The following MPND variants were observed in gnomAD, a reference collection of about 807,000 sequenced individuals.
MPND encodes MPN domain-containing protein.
A neutral mutation model predicts 59.2 loss-of-function variants in MPND; 56 were observed. The observed-to-expected ratio is 0.95, with a 90% CI of 0.76 to 1.18. The LOEUF is 1.18. Among genes scored for constraint, MPND ranks in the 50% most tolerant of loss-of-function variants. MPND has a pLI of 0.00. For missense variants in MPND, 671 were observed against 676.0 expected (o/e 0.99, Z 0.08); for synonymous variants, 323 against 291.9 (o/e 1.11, Z -1.09).
In MPND at chr19:4,357,995, G is replaced by A. The variant is rs189146767; in HGVS notation, c.1237-88G>A. 2.0e-4 allele frequency: 228 copies of A among 1,130,022 alleles called. No individual in the cohort carries two copies. The African/African-American group carries it at 2.7e-3, about 14-fold the overall frequency. The allele number at this position is 1,130,022 out of a possible 1,614,324, so 70.0% of individuals were successfully genotyped here. A position where few individuals can be genotyped will look rare whatever the true frequency, so the allele number is the denominator to read the frequency against. The stretch of plus-strand genomic sequence containing the variant: ...GCTGAGCCGGGGTGTGCACTCTCCC[G>A]TTCCCAGCCCGGGCACTGCCAATTG... On this transcript the variant is annotated intron_variant, in intron 10 of 12. Transcript: ENST00000599840.
rs1173220501 is a variant in MPND, at chr19:4,344,004, C to T, written c.294+10C>T. On this transcript the variant is annotated intron_variant, in intron 2 of 12. Coordinates refer to ENST00000599840, the MANE Select transcript of MPND (RefSeq NM_001300862.2). ...GTCCATCTACTACCTGGTGAGCACCCCGCCTCCCTCGTCCCATCGCGGCTC... is the reference window on the plus strand; with the variant it reads ...GTCCATCTACTACCTGGTGAGCACCTCGCCTCCCTCGTCCCATCGCGGCTC... 3.0e-6 allele frequency: 4 copies of T among 1,315,832 alleles called. No homozygotes were observed. Among genetic ancestry groups the T allele is most frequent in the Middle Eastern group, 2.1e-4 (1 of 4,870 alleles). 81.5% of individuals were successfully genotyped at this position (1,315,832 alleles called of 1,614,324 possible). A position where few individuals can be genotyped will look rare whatever the true frequency, so the allele number is the denominator to read the frequency against.
chr19:4,357,427 C>G lies in MPND; in HGVS notation c.1165+6C>G. ...CTGCCTCGCCCTGCTCTGCTGTACGCGGGATGGGGCTGTGGGGGGAGCAAG... is the reference window on the plus strand; with the variant it reads ...CTGCCTCGCCCTGCTCTGCTGTACGGGGGATGGGGCTGTGGGGGGAGCAAG... On this transcript the variant is annotated splice_donor_region_variant and intron_variant, in intron 9 of 12. Transcript: ENST00000599840. The G allele has an allele frequency of 5.0e-6, 8 of 1,610,836 alleles. No homozygotes were observed. Among genetic ancestry groups the G allele is most frequent in the Non-Finnish European group, 6.8e-6 (8 of 1,178,580 alleles).
At chr19:4,357,729 T>C (rs1018750916) in intron 10 of MPND, 144 bp downstream of exon 10, 19 of 784,712 alleles carry the variant, frequency 2.4e-5, no homozygotes, top group Non-Finnish European at 3.6e-5. Context: ...ACGTGACTGC[T>C]GCCCTGCCCA....
rs1466600976 is a variant in MPND, at chr19:4,354,320, A to G, written c.750-4A>G. ...AGACTGTGCGACCCTCCTGGCCCCT[A>G]CAGGAACCCCCACACCCTGGTGGAA... On this transcript the variant is annotated splice_polypyrimidine_tract_variant and splice_region_variant and intron_variant, in intron 5 of 12. Transcript: ENST00000599840. 6.4e-7 allele frequency: 1 copy of G among 1,555,622 alleles called. No homozygotes were observed. Among genetic ancestry groups the G allele is most frequent in the Admixed American group, 1.9e-5 (1 of 51,456 alleles).
chr19:4,358,270 G>A (rs1972490428), intron 11 of MPND, 98 bp downstream of exon 11: 4 of 1,092,296 alleles, frequency 3.7e-6, no homozygotes, highest in South Asian at 2.8e-5. Context: ...GGGAAGCTAT[G>A]GCTGGTGGCG....
intron 3 of MPND, among the ~76,000 whole-genome samples, chr19:4,349,535 A>G (rs1298124710): frequency 1.4e-5 from 2 of 147,556 alleles, no homozygotes; most frequent in Non-Finnish European, 3.0e-5. Flanking sequence ...TTTGAGATGG[A>G]GTGTCGCTCT....
chr19:4,354,406 G>A lies in MPND; in HGVS notation c.832G>A (p.Val278Met), dbSNP rs368354022. ...QPFNVAVSSN[V>M]LFLLDFHSHL... is the part of the protein sequence containing the mutation. ...GTTCAACGTGGCTGTTTCTAGCAACGTGCTGTTCCTGCTGGTGTGTGGCCC... is the reference window on the plus strand; with the variant it reads ...GTTCAACGTGGCTGTTTCTAGCAACATGCTGTTCCTGCTGGTGTGTGGCCC... Residue 278 changes from valine (V) to methionine (M), a missense_variant, in exon 6 of 13, where the codon GTG becomes ATG. Coordinates refer to ENST00000599840, the MANE Select transcript of MPND (RefSeq NM_001300862.2). The A allele has an allele frequency of 1.7e-5, 26 of 1,557,404 alleles. No individual in the cohort carries two copies. The highest frequency in any genetic ancestry group is 4.8e-5 in the East Asian group (2 of 41,788).
At chr19:4,358,252 GTGGGCT>G in intron 11 of MPND, 80 bp downstream of exon 11, 2 of 1,300,762 alleles carry the variant, frequency 1.5e-6, no homozygotes, top group Non-Finnish European at 1.1e-6. Context: ...CTTCCCACCG[GTGGGCT>G]TGGGAAGCTA....
intron 4 of MPND, among the ~76,000 whole-genome samples, chr19:4,353,283 T>G (rs1972362641): frequency 6.6e-6 from 1 of 152,130 alleles, no homozygotes; most frequent in South Asian, 2.1e-4. Flanking sequence ...TATTTATTTT[T>G]TGGTGATGGA....
intron 3 of MPND, among the ~76,000 whole-genome samples, chr19:4,351,252 C>G (rs904147001): frequency 1.3e-5 from 2 of 151,976 alleles, no homozygotes; most frequent in Non-Finnish European, 2.9e-5. Flanking sequence ...TGCAGGTGTT[C>G]GCCACCATGC....
At chr19:4,356,986 C>T (rs1451451031) in intron 8 of MPND, 1 of 369,034 alleles carries the variant, frequency 2.7e-6, no homozygotes, top group Non-Finnish European at 4.8e-6. Context: ...GACCATTATT[C>T]TGTAAGCTGG....
At chr19:4,357,621 G>A in intron 10 of MPND, 36 bp downstream of exon 10, 2 of 1,577,086 alleles carry the variant, frequency 1.3e-6, no homozygotes, top group Non-Finnish European at 1.7e-6. Context: ...GGGGGGCCCG[G>A]GAGCACTGGG....
chr19:4,352,985 G>C lies in MPND; in HGVS notation c.620G>C (p.Ser207Thr). Reference sequence around the variant, plus strand: ...GCAGGGGTCTCAGCAGAGGACAAGAGTCGGAGACCACTGGGGAAGAGCCCT... The same window carrying C: ...GCAGGGGTCTCAGCAGAGGACAAGACTCGGAGACCACTGGGGAAGAGCCCT... ...VLAGVSAEDK[S>T]RRPLGKSPSE... The change falls in exon 4 of 13, where the codon AGT (serine) becomes ACT (threonine). Residue 207 changes from serine to threonine, a missense_variant. Physicochemically the swap from Ser to Thr is moderately conservative, Grantham distance 58. Coordinates refer to ENST00000599840, the MANE Select transcript of MPND (RefSeq NM_001300862.2). 1 of 1,373,012 alleles carries C rather than the reference G, an allele frequency of 7.3e-7. No individual in the cohort carries two copies. The highest frequency in any genetic ancestry group is 9.5e-7 in the Non-Finnish European group (1 of 1,053,990). 85.1% of individuals were successfully genotyped at this position (1,373,012 alleles called of 1,614,324 possible).
At chr19:4,358,473 G>A in intron 11 of MPND, 2 of 399,554 alleles carry the variant, frequency 5.0e-6, no homozygotes, top group Non-Finnish European at 9.1e-6. Flanking sequence ...CTTAAAAATT[G>A]TGTGTTCAAC....
intron 8 of MPND, 88 bp downstream of exon 8, chr19:4,355,261 A>G: frequency 1.4e-6 from 2 of 1,390,888 alleles, no homozygotes; most frequent in Non-Finnish European, 2.0e-6. Context: ...TGGCAGTGTC[A>G]TCACCCAGCA....
intron 2 of MPND, among the ~76,000 whole-genome samples, chr19:4,344,807 C>T (rs1480278737): frequency 2.7e-5 from 4 of 146,664 alleles, no homozygotes; most frequent in Admixed American, 2.1e-4. Flanking sequence ...TGCTCGATCT[C>T]GGCTCACTGC....
chr19:4,352,385 A>C (rs1379978402), intron 3 of MPND, among the ~76,000 whole-genome samples: 1 of 152,116 alleles, frequency 6.6e-6, no homozygotes, highest in Non-Finnish European at 1.5e-5. Flanking sequence ...CAGGGCTTGT[A>C]TTATAAAATG....
intron 3 of MPND, among the ~76,000 whole-genome samples, chr19:4,351,383 G>A (rs1972312221): frequency 1.3e-5 from 2 of 152,140 alleles, no homozygotes; most frequent in African/African-American, 4.8e-5. Flanking sequence ...GATTGCAGGC[G>A]TGGGCCACTG....
intron 6 of MPND, among the ~76,000 whole-genome samples, 195 bp from the exon 7 acceptor site, chr19:4,354,754 C>T (rs576644618): frequency 2.4e-4 from 36 of 152,288 alleles, no homozygotes; most frequent in Non-Finnish European, 4.4e-4. Context: ...ATCCCAGCTA[C>T]CTGAGAGGCT....
Sources: allele counts gnomAD v4.1 joint callset (sites outside exome capture counted in the v4.1 genomes callset), GRCh38; gene constraint gnomAD v4.1.1; transcripts MANE v1.5; gene names NCBI Gene and HGNC (gene_info 2026-07-23, HGNC 2026-07-21).